The following WDHD1 variants were observed in gnomAD, a reference collection of about 807,000 sequenced individuals.
The protein encoded by WDHD1 is WD repeat and HMG-box DNA-binding protein 1.
In WDHD1, 111 loss-of-function variants were observed where a neutral mutation model predicts 135.4. The ratio of observed to expected loss-of-function variants is 0.82; its 90% CI spans 0.70 to 0.96. The LOEUF (loss-of-function observed/expected upper bound fraction) is 0.96. Among genes scored for constraint, WDHD1 ranks in the 40% least tolerant of loss-of-function variants. WDHD1 has a pLI of 0.00. For synonymous variants in WDHD1, 434 were observed against 439.0 expected (o/e 0.99, Z 0.14); for missense variants, 1,351 against 1,336.3 (o/e 1.01, Z -0.17).
chr14:54,969,250 T>C (rs944560487), intron 16 of WDHD1, among the ~76,000 whole-genome samples: 1 of 150,842 alleles, frequency 6.6e-6, no homozygotes, highest in Admixed American at 6.6e-5. Flanking sequence ...GTGGTCTCGA[T>C]CTCCTGACCT....
rs757527014 is a variant in WDHD1, at chr14:54,987,359, A to C, written c.1555T>G (p.Trp519Gly). 2.5e-6 allele frequency: 4 copies of C among 1,613,894 alleles called. No homozygotes were observed. In the Admixed American group the frequency reaches 6.7e-5, roughly 27 times the overall value. ...SKLHCLHFSS[W>G]DSSKEWIIDL... ...ATTATCCACTCTTTGCTTGAATCCC[A>C]AGAACTAAAGTGCAGGCAGTGAAGC... Residue 519 changes from tryptophan (W) to glycine (G), a missense_variant, in exon 14 of 26, where the codon TGG becomes GGG. By Grantham distance (184) the Trp-to-Gly change is radical (BLOSUM62 -2). Coordinates refer to ENST00000360586, the MANE Select transcript of WDHD1 (RefSeq NM_007086.4).
chr14:54,993,128 T>C (rs2041818523), intron 11 of WDHD1, among the ~76,000 whole-genome samples: 1 of 152,142 alleles, frequency 6.6e-6, no homozygotes, highest in Non-Finnish European at 1.5e-5. Flanking sequence ...TTTATTTTGT[T>C]TTTTTCTGAG....
intron 2 of WDHD1, among the ~76,000 whole-genome samples, chr14:55,022,639 G>A (rs1050582636): frequency 6.6e-6 from 1 of 151,748 alleles, no homozygotes; most frequent in African/African-American, 2.4e-5. Context: ...CTAAGATCGC[G>A]CCACTGCACT....
At chr14:54,955,792 T>C in intron 23 of WDHD1, 98 bp from the exon 24 acceptor site, 1 of 1,121,468 alleles carries the variant, frequency 8.9e-7, no homozygotes, top group Non-Finnish European at 1.1e-6. Context: ...CTATAATTAT[T>C]GAGAATTCTT....
At chr14:54,947,368 T>C (rs1449700235) in intron 24 of WDHD1, among the ~76,000 whole-genome samples, 3 of 152,084 alleles carry the variant, frequency 2.0e-5, no homozygotes, top group African/African-American at 7.2e-5. Flanking sequence ...CATGAGCCAC[T>C]ATGCCCGGCC....
intron 6 of WDHD1, among the ~76,000 whole-genome samples, 185 bp downstream of exon 6, chr14:55,008,131 T>C (rs34988865): frequency 0.3 from 46,210 of 152,090 alleles, 7,069 homozygotes; most frequent in South Asian, 0.35. Flanking sequence ...AAAAATGCAA[T>C]TAGTCTTCAA....
intron 16 of WDHD1, among the ~76,000 whole-genome samples, chr14:54,977,088 T>G (rs573446894): frequency 1.4e-5 from 2 of 142,590 alleles, no homozygotes; most frequent in Admixed American, 6.9e-5. Context: ...AATAAGGTTG[T>G]TTTTTTTTTG....
chr14:55,003,359 A>T (rs552279536), intron 7 of WDHD1, among the ~76,000 whole-genome samples: 4 of 151,760 alleles, frequency 2.6e-5, no homozygotes, highest in Non-Finnish European at 5.9e-5. Flanking sequence ...AAAATAAAAA[A>T]ATTAGCCAGC....
intron 16 of WDHD1, among the ~76,000 whole-genome samples, chr14:54,976,230 T>G (rs1384557364): frequency 7.0e-6 from 1 of 142,898 alleles, no homozygotes; most frequent in Non-Finnish European, 1.5e-5. Context: ...GAAGATGAAT[T>G]TCTTTATTTC....
chr14:54,984,889 G>A, intron 14 of WDHD1, 29 bp from the exon 15 acceptor site: 1 of 1,601,476 alleles, frequency 6.2e-7, no homozygotes. Flanking sequence ...TATAAATCAG[G>A]CATCAAAGGT....
intron 9 of WDHD1, 58 bp downstream of exon 9, chr14:55,000,828 C>T: frequency 7.7e-7 from 1 of 1,296,130 alleles, no homozygotes; most frequent in Non-Finnish European, 1.0e-6. Flanking sequence ...CAAAATAAAA[C>T]AAATACAAAA....
intron 11 of WDHD1, 102 bp downstream of exon 11, chr14:54,995,501 T>C: frequency 1.1e-6 from 1 of 946,828 alleles, no homozygotes; most frequent in Non-Finnish European, 1.5e-6. Context: ...TAAGCACCAC[T>C]TAGCTACATT....
chr14:55,022,462 G>A (rs1437946866), intron 2 of WDHD1, among the ~76,000 whole-genome samples: 1 of 151,946 alleles, frequency 6.6e-6, no homozygotes, highest in African/African-American at 2.4e-5. Flanking sequence ...GGGCACTTTA[G>A]TCTACATTAA....
intron 11 of WDHD1, among the ~76,000 whole-genome samples, chr14:54,993,115 GATTTT>G (rs2041818353): frequency 6.6e-6 from 1 of 151,842 alleles, no homozygotes; most frequent in Admixed American, 6.6e-5. Context: ...TGAATTTTTT[GATTTT>G]ATTTTGTTTT....
intron 23 of WDHD1, 68 bp downstream of exon 23, chr14:54,956,966 A>G (rs754141878): frequency 1.2e-5 from 18 of 1,540,218 alleles, no homozygotes; most frequent in Non-Finnish European, 1.4e-5. Context: ...TATCTGAAAC[A>G]GTGAACAAAA....
At chr14:55,007,246 A>AAAG in intron 7 of WDHD1, 34 bp downstream of exon 7, 4 of 1,478,936 alleles carry the variant, frequency 2.7e-6, no homozygotes, top group South Asian at 1.3e-5. Context: ...AAAAAAAAAA[A>AAAG]AAAGAAAAGA....
At chr14:54,969,985 G>C (rs116865153) in intron 16 of WDHD1, among the ~76,000 whole-genome samples, 2 of 152,094 alleles carry the variant, frequency 1.3e-5, no homozygotes, top group African/African-American at 4.8e-5. Flanking sequence ...AAAAGCTTTC[G>C]ATAAAATTCA....
At chr14:54,985,542 C>A (rs1041574478) in intron 14 of WDHD1, among the ~76,000 whole-genome samples, 1 of 152,206 alleles carries the variant, frequency 6.6e-6, no homozygotes, top group African/African-American at 2.4e-5. Flanking sequence ...CAGTAGATCA[C>A]CTTGACAGCT....
At chr14:54,978,512 G>C (rs1259143646) in intron 16 of WDHD1, among the ~76,000 whole-genome samples, 1 of 151,848 alleles carries the variant, frequency 6.6e-6, no homozygotes, top group Non-Finnish European at 1.5e-5. Flanking sequence ...TTGAGCCCAG[G>C]AATTCAAGGC....
Sources: allele counts gnomAD v4.1 joint callset (sites outside exome capture counted in the v4.1 genomes callset), GRCh38; gene constraint gnomAD v4.1.1; transcripts MANE v1.5; gene names NCBI Gene and HGNC (gene_info 2026-07-23, HGNC 2026-07-21).